Variants in MRPL24 observed in about 807,000 individuals in gnomAD.
MRPL24 encodes the protein mitochondrial ribosomal protein L24.
Under a neutral mutation model 26.9 loss-of-function variants are expected in MRPL24, and 15 were observed. That is an observed-to-expected ratio of 0.56 (90% confidence interval 0.37 to 0.86). The LOEUF (loss-of-function observed/expected upper bound fraction) is 0.86, where lower values mean the gene tolerates loss of function less well. MRPL24 is among the 40% of genes least tolerant of loss of function. The pLI is 0.00. For synonymous variants in MRPL24, 92 were observed against 102.4 expected (o/e 0.90, Z 0.62); for missense variants, 241 against 281.4 (o/e 0.86, Z 1.03).
chr1:156,741,711 C>T (rs1378991144), upstream of MRPL24: 6 of 152,146 alleles, frequency 3.9e-5, no homozygotes, highest in Non-Finnish European at 5.9e-5. Context: ...TGGCAGGTAC[C>T]CCTAGCATTA....
At chr1:156,741,321 G>C (rs1459829591), upstream of MRPL24, 1 of 152,198 alleles carries the variant, frequency 6.6e-6, no homozygotes, top group Admixed American at 6.5e-5. Context: ...TGGCCCGCCT[G>C]GCACATTCCC....
intron 4 of MRPL24, 55 bp downstream of exon 4, chr1:156,737,976 G>A (rs1649935799): frequency 1.3e-6 from 2 of 1,550,562 alleles, no homozygotes; most frequent in Non-Finnish European, 1.8e-6. Flanking sequence ...CCATTGGACA[G>A]CACTTTTTGG....
chr1:156,741,873 T>TA (rs1558028720), upstream of MRPL24, among the ~76,000 whole-genome samples: 1 of 151,968 alleles, frequency 6.6e-6, no homozygotes, highest in African/African-American at 2.4e-5. Flanking sequence ...AACCCTTTTT[T>TA]AAAAAAAACT....
intron 4 of MRPL24, 24 bp from the exon 5 acceptor site, chr1:156,737,800 T>G (rs976739604): frequency 6.2e-7 from 1 of 1,612,260 alleles, no homozygotes; most frequent in Non-Finnish European, 8.5e-7. Context: ...GAGGTGAGCC[T>G]GGCCTACGAG....
rs747847826 is a variant in MRPL24, at chr1:156,737,598, C to T, written c.514+48G>A. On this transcript the variant is annotated intron_variant, in intron 5 of 5. Transcript: ENST00000361531. ...TGCCAACTTTCATTAATGTCCCCTA[C>T]TCTCACTCCTAGCACCCACCCCTGA... is the stretch of plus-strand genomic sequence containing the variant. 9.9e-6 allele frequency: 16 copies of T among 1,610,838 alleles called. No individual in the cohort carries two copies. The African/African-American group carries it at 1.7e-4, about 17-fold the overall frequency.
At position 156,737,785 on chromosome 1, in the gene MRPL24, TAGAAG is replaced by T. The variant is rs747639078; in HGVS notation, c.384-14_384-10del. ...CGATCTCAGTGGGTTTCCTGGTGGA[TAGAAG>T]AGGTGAGCCTGGCCTACGAGCCAGG... On this transcript the variant is annotated splice_polypyrimidine_tract_variant and intron_variant, in intron 4 of 5. Transcript: ENST00000361531. The T allele has an allele frequency of 1.2e-6, 2 of 1,613,972 alleles. No homozygotes were observed. Among genetic ancestry groups the T allele is most frequent in the African/African-American group, 1.3e-5 (1 of 75,052 alleles).
At chr1:156,741,854 TC>T (rs1650139096), upstream of MRPL24, among the ~76,000 whole-genome samples, 1 of 152,188 alleles carries the variant, frequency 6.6e-6, no homozygotes, top group African/African-American at 2.4e-5. Context: ...ACACCCCACT[TC>T]TTGTGCAAAC....
Position 156,738,024 on chromosome 1 carries a change from T to TG in MRPL24, c.383+6dup, listed in dbSNP as rs756089287. ...AGAAACCCTCTGCCCAGAGCCCCGT[T>TG]GCTTGCCTGTCCATAGGATCCACAA... is the stretch of plus-strand genomic sequence containing the variant. On this transcript the variant is annotated splice_region_variant and intron_variant, in intron 4 of 5. Coordinates refer to ENST00000361531, the MANE Select transcript of MRPL24 (RefSeq NM_145729.3). The TG allele has an allele frequency of 5.0e-6, 8 of 1,613,674 alleles. No homozygotes were observed. Among genetic ancestry groups the TG allele is most frequent in the African/African-American group, 1.3e-5 (1 of 74,922 alleles).
At position 156,737,523 on chromosome 1, in the gene MRPL24, C is replaced by T; in HGVS notation, c.526G>A (p.Asp176Asn). 1 of 1,606,602 alleles carries T rather than the reference C, an allele frequency of 6.2e-7. No homozygotes were observed. Among genetic ancestry groups the T allele is most frequent in the Non-Finnish European group, 8.5e-7 (1 of 1,176,572 alleles). ...VPETWIDGPKDTSVEDALERT... is the reference protein window; with the variant it reads ...VPETWIDGPKNTSVEDALERT... ...TCTAAAGCATCTTCCACTGATGTGT[C>T]TTTGGGGCCATCTGTTAAGCCAGAG... The change falls in exon 6 of 6, where the codon GAC becomes AAC. Residue 176 changes from aspartate to asparagine, a missense_variant. Transcript: ENST00000361531.
upstream of MRPL24, chr1:156,741,989 G>A (rs1477092789): frequency 6.6e-6 from 1 of 152,622 alleles, no homozygotes; most frequent in African/African-American, 2.4e-5. Flanking sequence ...CCTAAAAATG[G>A]AGGAGGTTGA....
Position 156,738,736 on chromosome 1 carries a change from C to A in MRPL24, c.-32G>T. 1 of 1,550,874 alleles carries A rather than the reference C, an allele frequency of 6.4e-7. No homozygotes were observed. ...AGGTTGTAAGAAATCCCTTTGCCAGCAAAACGCTCGAAACCTTCCTTGTCA... is the reference window on the plus strand; with the variant it reads ...AGGTTGTAAGAAATCCCTTTGCCAGAAAAACGCTCGAAACCTTCCTTGTCA... On this transcript the variant is annotated 5_prime_UTR_variant, in exon 2 of 6. Coordinates refer to ENST00000361531, the MANE Select transcript of MRPL24 (RefSeq NM_145729.3).
Position 156,738,522 on chromosome 1 carries a change from CGTGTCCCCACA to C in MRPL24, c.172_182del (p.Cys58GlyfsTer50). The stretch of plus-strand genomic sequence containing the variant: ...TCTACCCCCTGTATGAGGCTCTCAC[CGTGTCCCCACA>C]GAACAGATACCAGTCTTCATCAGAG... On this transcript the variant is annotated frameshift_variant and splice_region_variant, in exon 2 of 6. Coordinates refer to ENST00000361531, the MANE Select transcript of MRPL24 (RefSeq NM_145729.3). LOFTEE classifies it high-confidence loss of function. 1 of 1,614,098 alleles carries C rather than the reference CGTGTCCCCACA, an allele frequency of 6.2e-7. No individual in the cohort carries two copies. The highest frequency in any genetic ancestry group is 8.5e-7 in the Non-Finnish European group (1 of 1,179,992).
chr1:156,738,613 T>C lies in MRPL24; in HGVS notation c.92A>G (p.Asp31Gly). The change falls in exon 2 of 6, where the codon GAC (aspartate) becomes GGC (glycine). Residue 31 changes from aspartate (D) to glycine (G), a missense_variant. Asp to Gly is a moderately conservative substitution (Grantham distance 94). Coordinates refer to ENST00000361531, the MANE Select transcript of MRPL24 (RefSeq NM_145729.3). ...GATCCATGGGGGGTTCTTCCTCTTG[T>C]CTGCAACAGAGCCTGGGGGGCTCAT... ...YGMSPPGSVA[D>G]KRKNPPWIRR... 1 of 1,612,676 alleles carries C rather than the reference T, an allele frequency of 6.2e-7. No homozygotes were observed. The highest frequency in any genetic ancestry group is 8.5e-7 in the Non-Finnish European group (1 of 1,179,484).
At position 156,737,874 on chromosome 1, in the gene MRPL24, G is replaced by A. The variant is rs536187678; in HGVS notation, c.384-98C>T. ...GGTTCAAAACACAAGGGTTACCACCGCGTTTCTCCACCTCTGTGTTGGGGT... is the reference window on the plus strand; with the variant it reads ...GGTTCAAAACACAAGGGTTACCACCACGTTTCTCCACCTCTGTGTTGGGGT... On this transcript the variant is annotated intron_variant, in intron 4 of 5. Transcript: ENST00000361531. 29 of 1,530,000 alleles carry A rather than the reference G, an allele frequency of 1.9e-5. 1 individual carries two copies. The highest frequency in any genetic ancestry group is 1.7e-4 in the South Asian group (14 of 83,240). 94.8% of individuals were successfully genotyped at this position (1,530,000 alleles called of 1,614,324 possible).
chr1:156,738,655 G>T lies in MRPL24; in HGVS notation c.50C>A (p.Pro17His), dbSNP rs369484764. ...GGGGCTCATCCCATAGCGGTAATGG[G>T]GGGGCAGAGTGACCTTGGATGCCAA... The part of the protein sequence containing the change: ...LALASKVTLP[P>H]HYRYGMSPPG... The change falls in exon 2 of 6, where the codon CCC (proline) becomes CAC (histidine). Residue 17 changes from proline to histidine, a missense_variant. Transcript: ENST00000361531. 1.3e-6 allele frequency: 2 copies of T among 1,599,964 alleles called. No individual in the cohort carries two copies. The highest frequency in any genetic ancestry group is 8.5e-7 in the Non-Finnish European group (1 of 1,176,104).
chr1:156,741,328 T>C (rs1650099628), upstream of MRPL24: 1 of 152,130 alleles, frequency 6.6e-6, no homozygotes, highest in African/African-American at 2.4e-5. Context: ...CCTGGCACAT[T>C]CCCGCGCATG....
In MRPL24 at chr1:156,737,794, T is replaced by C; in HGVS notation, c.384-18A>G. On this transcript the variant is annotated intron_variant, in intron 4 of 5. Transcript: ENST00000361531. ...TGGGTTTCCTGGTGGATAGAAGAGG[T>C]GAGCCTGGCCTACGAGCCAGGCTTC... The C allele has an allele frequency of 1.9e-6, 3 of 1,613,380 alleles. No homozygotes were observed. Among genetic ancestry groups the C allele is most frequent in the Non-Finnish European group, 2.5e-6 (3 of 1,179,744 alleles).
At chr1:156,741,873 T>A (rs114092832), upstream of MRPL24, among the ~76,000 whole-genome samples, 2,245 of 152,076 alleles carry the variant, frequency 0.015, 58 homozygotes, top group African/African-American at 0.051. Context: ...AACCCTTTTT[T>A]AAAAAAAACT....
intron 3 of MRPL24, 65 bp from the exon 4 acceptor site, chr1:156,738,199 C>T (rs568639794): frequency 1.4e-5 from 22 of 1,568,134 alleles, no homozygotes; most frequent in South Asian, 6.7e-5. Flanking sequence ...TGCTACTCGG[C>T]GCATTCAGCC....
Sources: gnomAD v4.1 joint callset for allele counts (sites outside exome capture counted in the v4.1 genomes callset) on GRCh38, gnomAD v4.1.1 for gene constraint, MANE v1.5 for transcripts, NCBI Gene and HGNC (gene_info 2026-07-23, HGNC 2026-07-21) for gene names.